MCM10: variants seen among roughly 807,000 people sequenced by gnomAD.
MCM10 encodes protein MCM10 homolog.
Under a neutral mutation model 109.9 loss-of-function variants are expected in MCM10, and 91 were observed. The observed-to-expected ratio is 0.83, with a 90% CI of 0.70 to 0.99. The LOEUF (loss-of-function observed/expected upper bound fraction) is 0.99, where lower values mean the gene tolerates loss of function less well. MCM10 is among the 50% of genes least tolerant of loss of function. The pLI is 0.00. For synonymous variants in MCM10, 380 were observed against 387.2 expected (o/e 0.98, Z 0.22); for missense variants, 1,077 against 1,061.2 (o/e 1.01, Z -0.21).
intron 16 of MCM10, among the ~76,000 whole-genome samples, chr10:13,200,888 TA>T (rs947029461): frequency 2.0e-5 from 3 of 152,232 alleles, no homozygotes; most frequent in Admixed American, 2.0e-4. Context: ...CTCATGCCTG[TA>T]ATCCTAGCAC....
At chr10:13,178,799 G>T (rs1286184662) in intron 6 of MCM10, among the ~76,000 whole-genome samples, 1 of 152,184 alleles carries the variant, frequency 6.6e-6, no homozygotes, top group Non-Finnish European at 1.5e-5. Flanking sequence ...GCTTTGGATT[G>T]TATGGACAGT....
Position 13,191,389 on chromosome 10 carries a change from G to A in MCM10, c.1506G>A (p.Arg502=). The A allele has an allele frequency of 6.2e-7, 1 of 1,613,602 alleles. No homozygotes were observed. Among genetic ancestry groups the A allele is most frequent in the Non-Finnish European group, 8.5e-7 (1 of 1,179,626 alleles). Residue 502 remains arginine, a synonymous_variant, in exon 11 of 20, where the codon CGG becomes CGA. Transcript: ENST00000378714. ...KGTNLIIQET[R]QKLGIPQKSL... ...CAAACTTGATCATCCAGGAAACACG[G>A]CAAAAACTCGGTAACTTTGTTTTTC...
intron 1 of MCM10, among the ~76,000 whole-genome samples, 178 bp downstream of exon 1, chr10:13,161,784 C>A (rs1004534205): frequency 2.0e-5 from 3 of 152,106 alleles, no homozygotes; most frequent in African/African-American, 7.2e-5. Context: ...CTGGCATGGC[C>A]GGGCCGGGGG....
chr10:13,171,299 A>G, intron 3 of MCM10, 36 bp downstream of exon 3: 3 of 1,535,270 alleles, frequency 2.0e-6, no homozygotes, highest in Non-Finnish European at 2.6e-6. Context: ...TTTCTTTCGG[A>G]TAAGTTGGAT....
In MCM10 at chr10:13,197,748, C is replaced by T; in HGVS notation, c.2100C>T (p.Asn700=). ...ILEVKERVEK[N]TMFSSQAEDE... ...AGGTGAAGGAACGTGTAGAAAAAAA[C>T]ACCATGTTTTCTTCTCAAGGTACTG... Residue 700 remains asparagine, a synonymous_variant, in exon 15 of 20, where the codon AAC becomes AAT. Transcript: ENST00000378714. 10 of 1,612,242 alleles carry T rather than the reference C, an allele frequency of 6.2e-6. No individual in the cohort carries two copies. The highest frequency in any genetic ancestry group is 8.5e-6 in the Non-Finnish European group (10 of 1,179,594).
At chr10:13,203,903 G>A (rs1264127371) in intron 17 of MCM10, among the ~76,000 whole-genome samples, 1 of 152,138 alleles carries the variant, frequency 6.6e-6, no homozygotes, top group African/African-American at 2.4e-5. Context: ...GCTATTTAGG[G>A]GTTTACAGTA....
chr10:13,194,143 C>T (rs781570277), intron 13 of MCM10, among the ~76,000 whole-genome samples: 7 of 152,088 alleles, frequency 4.6e-5, no homozygotes, highest in Non-Finnish European at 8.8e-5. Flanking sequence ...GCAGGCAGAT[C>T]GCCTGAGCCC....
chr10:13,203,374 G>T (rs1285046068), intron 17 of MCM10, among the ~76,000 whole-genome samples: 4 of 152,038 alleles, frequency 2.6e-5, no homozygotes, highest in Non-Finnish European at 5.9e-5. Context: ...CACGTTTAAG[G>T]GTCCTTGTGA....
intron 1 of MCM10, 122 bp downstream of exon 1, chr10:13,161,728 G>A (rs1006376943): frequency 6.6e-6 from 1 of 152,414 alleles, no homozygotes; most frequent in Non-Finnish European, 1.5e-5. Flanking sequence ...CCGGGAGCTC[G>A]GGTGGGCGCG....
At position 13,180,625 on chromosome 10, in the gene MCM10, T is replaced by G; in HGVS notation, c.930+18T>G. On this transcript the variant is annotated intron_variant, in intron 7 of 19. Coordinates refer to ENST00000378714, the MANE Select transcript of MCM10 (RefSeq NM_018518.5). ...TGAATAGTGTAAGCCATTGTATTGG[T>G]TTCTTAGCTGTTTTACTACAAACTG... The G allele has an allele frequency of 1.2e-6, 2 of 1,612,818 alleles. No homozygotes were observed. Among genetic ancestry groups the G allele is most frequent in the Non-Finnish European group, 1.7e-6 (2 of 1,179,700 alleles).
intron 2 of MCM10, among the ~76,000 whole-genome samples, chr10:13,166,896 T>C (rs1318058343): frequency 1.3e-5 from 2 of 151,830 alleles, no homozygotes; most frequent in Non-Finnish European, 2.9e-5. Flanking sequence ...CCCAGCACTT[T>C]AGGAAGCCAA....
intron 18 of MCM10, among the ~76,000 whole-genome samples, chr10:13,207,719 T>C (rs925319458): frequency 8.5e-5 from 13 of 152,208 alleles, no homozygotes; most frequent in African/African-American, 2.9e-4. Context: ...ATGTAAGACA[T>C]GCCTTTGCTC....
intron 11 of MCM10, among the ~76,000 whole-genome samples, chr10:13,191,944 GCC>G (rs1206784304): frequency 6.6e-6 from 1 of 152,150 alleles, no homozygotes; most frequent in Non-Finnish European, 1.5e-5. Context: ...AGAGAATGCA[GCC>G]CCCATCCTGG....
intron 6 of MCM10, 47 bp downstream of exon 6, chr10:13,175,728 T>C: frequency 2.2e-6 from 3 of 1,385,794 alleles, no homozygotes; most frequent in Non-Finnish European, 3.0e-6. Context: ...CATAGCTTTT[T>C]GTGCCTCTCG....
At chr10:13,184,833 C>G (rs1428852036) in intron 8 of MCM10, among the ~76,000 whole-genome samples, 1 of 152,178 alleles carries the variant, frequency 6.6e-6, no homozygotes, top group Non-Finnish European at 1.5e-5. Flanking sequence ...TGTGAATTGG[C>G]ATACCGTGGA....
chr10:13,195,356 T>A, intron 14 of MCM10, 87 bp downstream of exon 14: 5 of 948,352 alleles, frequency 5.3e-6, no homozygotes, highest in Non-Finnish European at 7.9e-6. Context: ...TAGCTCTTTA[T>A]TGATCGTGAT....
chr10:13,191,489 CTGCT>C, intron 11 of MCM10, 90 bp downstream of exon 11: 2 of 984,800 alleles, frequency 2.0e-6, no homozygotes, highest in South Asian at 2.7e-5. Context: ...ACAGGGTACA[CTGCT>C]CCGGTGATGG....
At chr10:13,163,070 G>A (rs1169522631) in intron 1 of MCM10, among the ~76,000 whole-genome samples, 3 of 147,656 alleles carry the variant, frequency 2.0e-5, no homozygotes, top group Admixed American at 2.0e-4. Context: ...CAGAGACTCC[G>A]TCTCAAAAAA....
rs149343572 is a variant in MCM10 at position 13,182,970 on chromosome 10, G to A, written c.968G>A (p.Arg323His). ...TFSIWKLNDL[R>H]DLTQCVSLFL... ...AGCATATGGAAACTGAATGATCTTC[G>A]TGACCTGACACAATGTGTGTCCTTG... Residue 323 changes from arginine to histidine, a missense_variant, in exon 8 of 20, where the codon CGT becomes CAT. By Grantham distance (29) the Arg-to-His change is conservative. Coordinates refer to ENST00000378714, the MANE Select transcript of MCM10 (RefSeq NM_018518.5). This position sits in a 1 kb window ranked among gnomAD's most constrained non-coding sequence, Gnocchi z 4.2. 1.1e-3 allele frequency: 1,721 copies of A among 1,613,932 alleles called. 18 individuals carry two copies. In the Admixed American group the frequency reaches 0.014, roughly 13 times the overall value.
Sources: gnomAD v4.1 joint callset for allele counts (sites outside exome capture counted in the v4.1 genomes callset) on GRCh38, gnomAD v4.1.1 for gene constraint, Gnocchi (gnomAD v3.1) non-coding constraint, MANE v1.5 for transcripts, NCBI Gene and HGNC (gene_info 2026-07-23, HGNC 2026-07-21) for gene names.